Variants in COPG1 observed in about 807,000 individuals in gnomAD.
COPG1 encodes the protein coatomer subunit gamma-1.
In COPG1, 29 loss-of-function variants were observed where a neutral mutation model predicts 102.8. The observed-to-expected ratio is 0.28, with a 90% CI of 0.21 to 0.38. COPG1 has a LOEUF of 0.38. COPG1 is among the 10% of genes least tolerant of loss of function. COPG1 has a pLI of 1.00. For missense variants in COPG1, 875 were observed against 1,132.7 expected (o/e 0.77, Z 3.27); for synonymous variants, 406 against 421.6 (o/e 0.96, Z 0.45).
Position 129,268,695 on chromosome 3 carries a change from C to G in COPG1, c.1774+75C>G. On this transcript the variant is annotated intron_variant, in intron 17 of 23. Coordinates refer to ENST00000314797, the MANE Select transcript of COPG1 (RefSeq NM_016128.4). ...AGGGTCTGCATTGGCTGCAAAGCCA[C>G]TAACCTAACTAGGGTGGGTGGCAGT... 18 of 1,517,144 alleles carry G rather than the reference C, an allele frequency of 1.2e-5. No homozygotes were observed. The South Asian group carries it at 1.4e-4, about 12-fold the overall frequency. The allele number at this position is 1,517,144 out of a possible 1,614,324, so 94.0% of individuals were successfully genotyped here.
chr3:129,265,395 C>T (rs774746600), intron 13 of COPG1, among the ~76,000 whole-genome samples, 154 bp from the exon 14 acceptor site: 2 of 152,158 alleles, frequency 1.3e-5, no homozygotes, highest in Admixed American at 6.5e-5. Context: ...CCTGACCAGC[C>T]TTTTGTTTGA....
chr3:129,264,647 T>G (rs976286106), intron 13 of COPG1, among the ~76,000 whole-genome samples: 5 of 152,014 alleles, frequency 3.3e-5, no homozygotes, highest in African/African-American at 1.2e-4. Context: ...CTTTGGTGAT[T>G]GTGTTTGTTT....
At chr3:129,252,842 C>A in intron 4 of COPG1, 34 bp from the exon 5 acceptor site, 1 of 1,607,492 alleles carries the variant, frequency 6.2e-7, no homozygotes, top group East Asian at 2.2e-5. Context: ...TTGGTGAGCC[C>A]GGGCTGATAG....
intron 15 of COPG1, among the ~76,000 whole-genome samples, chr3:129,267,576 A>G (rs1363959808): frequency 1.3e-5 from 2 of 152,170 alleles, no homozygotes; most frequent in Non-Finnish European, 2.9e-5. Flanking sequence ...AGCCGAGATC[A>G]TGCCCCGCAT....
chr3:129,254,518 G>A (rs906933041), intron 5 of COPG1, 150 bp from the exon 6 acceptor site: 20 of 585,016 alleles, frequency 3.4e-5, no homozygotes, highest in Admixed American at 6.1e-5. Flanking sequence ...TCCAGCAGCT[G>A]TGTGGAGTTA....
At chr3:129,272,479 CG>C in intron 20 of COPG1, 64 bp downstream of exon 20, 2 of 1,385,152 alleles carry the variant, frequency 1.4e-6, no homozygotes, top group Non-Finnish European at 2.0e-6. Context: ...AGGAGGTGGG[CG>C]GCTGGGCACC....
chr3:129,273,940 G>T lies in COPG1; in HGVS notation c.2257-898G>T, dbSNP rs1182092308. 6 of 443,666 alleles carry T rather than the reference G, an allele frequency of 1.4e-5. No individual in the cohort carries two copies. In the East Asian group the frequency reaches 2.8e-4, roughly 21 times the overall value. The allele number at this position is 443,666 out of a possible 1,614,324, so 27.5% of individuals were successfully genotyped here. A position where few individuals can be genotyped will look rare whatever the true frequency, so the allele number is the denominator to read the frequency against. On this transcript the variant is annotated intron_variant, in intron 21 of 23. Transcript: ENST00000314797. ...TCTGAGGTCTGACTTTGGGGCAGTG[G>T]CTCAGGGCCATCTGAGTGCAGACCA...
chr3:129,269,752 G>A (rs1320851370), intron 18 of COPG1, among the ~76,000 whole-genome samples: 1 of 151,948 alleles, frequency 6.6e-6, no homozygotes, highest in East Asian at 1.9e-4. Context: ...AATTGGGATC[G>A]CTATAACATG....
rs1396949301 is a variant in COPG1, at chr3:129,271,576, G to A, written c.1844-191G>A. The stretch of plus-strand genomic sequence containing the variant: ...GTATTTGTGGGGGGTTGTGCCACAT[G>A]AGCGAAGTCAGGGAGATGAGAAAAT... On this transcript the variant is annotated intron_variant, in intron 18 of 23. Transcript: ENST00000314797. The surrounding 1 kb of genome is among the most constrained non-coding windows in gnomAD (Gnocchi z 4.7). 6.6e-6 allele frequency among the ~76,000 whole-genome samples: 1 copy of A among 152,166 alleles called. No individual in the cohort carries two copies. Among genetic ancestry groups the A allele is most frequent in the Non-Finnish European group, 1.5e-5 (1 of 68,036 alleles).
rs749775630 is a variant in COPG1, at chr3:129,265,770, G to A, written c.1446G>A (p.Leu482=). 38 of 1,613,946 alleles carry A rather than the reference G, an allele frequency of 2.4e-5. No individual in the cohort carries two copies. Among genetic ancestry groups the A allele is most frequent in the Non-Finnish European group, 3.1e-5 (36 of 1,179,992 alleles). The change falls in exon 14 of 24, where the codon TTG becomes TTA. Residue 482 remains leucine (L), a synonymous_variant. Coordinates refer to ENST00000314797, the MANE Select transcript of COPG1 (RefSeq NM_016128.4). ...YIRFIYNRVV[L]EHEEVRAGAV... ...GCTTCATCTATAACCGAGTGGTCTT[G>A]GAGCATGAGGAGGTCCGGGCAGGTA...
chr3:129,270,778 T>C (rs1202365131), intron 18 of COPG1, among the ~76,000 whole-genome samples: 1 of 152,180 alleles, frequency 6.6e-6, no homozygotes, highest in Admixed American at 6.5e-5. Context: ...AAATATCAGA[T>C]CCATGGCCTC....
At position 129,275,595 on chromosome 3, in the gene COPG1, G is replaced by A. The variant is rs1232921286; in HGVS notation, c.2494+303G>A. Among the ~76,000 whole-genome samples, 2 of 151,982 alleles carry A rather than the reference G, an allele frequency of 1.3e-5. No individual in the cohort carries two copies. Among genetic ancestry groups the A allele is most frequent in the African/African-American group, 4.8e-5 (2 of 41,358 alleles). On this transcript the variant is annotated intron_variant, in intron 23 of 23. Coordinates refer to ENST00000314797, the MANE Select transcript of COPG1 (RefSeq NM_016128.4). This position sits in a 1 kb window ranked among gnomAD's most constrained non-coding sequence, Gnocchi z 5.0. ...TCCTTTTTTTAACTCAAATGTTTATGTACAAATGGTATATATATTGTCCTC... is the reference window on the plus strand; with the variant it reads ...TCCTTTTTTTAACTCAAATGTTTATATACAAATGGTATATATATTGTCCTC...
chr3:129,249,699 C>G lies in COPG1; in HGVS notation c.-11C>G. The G allele has an allele frequency of 6.4e-7, 1 of 1,551,408 alleles. No individual in the cohort carries two copies. Among genetic ancestry groups the G allele is most frequent in the Non-Finnish European group, 8.7e-7 (1 of 1,146,918 alleles). ...CATTGCGTTGCTGCATTGCGCCCCACCGACTCCACTATGTTGAAGAAATTC... is the reference window on the plus strand; with the variant it reads ...CATTGCGTTGCTGCATTGCGCCCCAGCGACTCCACTATGTTGAAGAAATTC... On this transcript the variant is annotated 5_prime_UTR_variant, in exon 1 of 24. Transcript: ENST00000314797.
Position 129,275,759 on chromosome 3 carries a change from C to T in COPG1, c.2494+467C>T, listed in dbSNP as rs1283518677. On this transcript the variant is annotated intron_variant, in intron 23 of 23. Transcript: ENST00000314797. This position sits in a 1 kb window ranked among gnomAD's most constrained non-coding sequence, Gnocchi z 5.0. The stretch of plus-strand genomic sequence containing the variant: ...GACCATTTTCAAGTGTATGGTTCAG[C>T]GGCATTAAGTACATTCACACTATTG... Among the ~76,000 whole-genome samples, 1 of 152,136 alleles carries T rather than the reference C, an allele frequency of 6.6e-6. No individual in the cohort carries two copies. The highest frequency in any genetic ancestry group is 1.5e-5 in the Non-Finnish European group (1 of 68,026).
At position 129,257,446 on chromosome 3, in the gene COPG1, C is replaced by G. The variant is rs754330721; in HGVS notation, c.580-24C>G. The G allele has an allele frequency of 1.1e-5, 17 of 1,613,372 alleles. 1 individual carries two copies. Among genetic ancestry groups the G allele is most frequent in the Non-Finnish European group, 1.4e-5 (17 of 1,179,432 alleles). ...TACCCAAAAGTCATACATTTGTACT[C>G]TGTTGCTGTCTCCTGTCCTATAGTA... On this transcript the variant is annotated intron_variant, in intron 8 of 23. Coordinates refer to ENST00000314797, the MANE Select transcript of COPG1 (RefSeq NM_016128.4).
intron 12 of COPG1, 72 bp downstream of exon 12, chr3:129,260,879 C>A: frequency 6.6e-7 from 1 of 1,506,884 alleles, no homozygotes; most frequent in Non-Finnish European, 9.1e-7. Flanking sequence ...GTGGCCACAG[C>A]CTTCCTGCCA....
At chr3:129,274,111 C>G (rs563491919) in intron 21 of COPG1, 45 of 455,664 alleles carry the variant, frequency 9.9e-5, no homozygotes, top group Non-Finnish European at 1.6e-4. Flanking sequence ...GAAATGACCC[C>G]GAGGCAGGAG....
Position 129,256,534 on chromosome 3 carries a change from A to G in COPG1, c.579+380A>G, listed in dbSNP as rs377023352. ...AATTATCTTGATGAGGCTTTCATCC[A>G]CTTTACTCTTCCTCAGTGACCTAGG... On this transcript the variant is annotated intron_variant, in intron 8 of 23. Coordinates refer to ENST00000314797, the MANE Select transcript of COPG1 (RefSeq NM_016128.4). 2.0e-5 allele frequency among the ~76,000 whole-genome samples: 3 copies of G among 152,374 alleles called. No individual in the cohort carries two copies. The East Asian group carries it at 5.8e-4, about 29-fold the overall frequency.
Position 129,277,501 on chromosome 3 carries a change from A to C in COPG1, c.*77A>C, listed in dbSNP as rs566211003. On this transcript the variant is annotated 3_prime_UTR_variant, in exon 24 of 24. Transcript: ENST00000314797. ...TGTGCCTTCCTCATGAAACTGGCAG[A>C]AACCCCTTCCCAAGCTTCTGTATTG... The C allele has an allele frequency of 6.8e-7, 1 of 1,478,860 alleles. No individual in the cohort carries two copies. The highest frequency in any genetic ancestry group is 1.2e-5 in the South Asian group (1 of 84,314). 91.6% of individuals were successfully genotyped at this position (1,478,860 alleles called of 1,614,324 possible). A position where few individuals can be genotyped will look rare whatever the true frequency, so the allele number is the denominator to read the frequency against.
Sources: allele counts gnomAD v4.1 joint callset (sites outside exome capture counted in the v4.1 genomes callset), GRCh38; gene constraint gnomAD v4.1.1; non-coding constraint Gnocchi (gnomAD v3.1); transcripts MANE v1.5; gene names NCBI Gene and HGNC (gene_info 2026-07-23, HGNC 2026-07-21).